The following FARS2 variants were observed in gnomAD, a reference collection of about 807,000 sequenced individuals.
FARS2 encodes phenylalanine--tRNA ligase, mitochondrial.
A neutral mutation model predicts 46.4 loss-of-function variants in FARS2; 40 were observed. That is an observed-to-expected ratio of 0.86 (90% CI 0.67 to 1.12). The LOEUF is 1.12. Among genes scored for constraint, FARS2 ranks in the 50% most tolerant of loss-of-function variants. The pLI, the probability that FARS2 is intolerant of heterozygous loss-of-function variation, is 0.00. For synonymous variants in FARS2, 234 were observed against 214.9 expected (o/e 1.09, Z -0.78); for missense variants, 513 against 567.9 (o/e 0.90, Z 0.98).
chr6:5,632,637 T>TCCCTCCTTCCTTC, intron 6 of FARS2, among the ~76,000 whole-genome samples: 1 of 141,178 alleles, frequency 7.1e-6, no homozygotes, highest in Non-Finnish European at 1.5e-5. Context: ...CTCCCTCCCT[T>TCCCTCCTTCCTTC]CTTCCTTCCT....
At chr6:5,673,154 A>G (rs891747371) in intron 6 of FARS2, among the ~76,000 whole-genome samples, 3 of 152,222 alleles carry the variant, frequency 2.0e-5, no homozygotes, top group Admixed American at 6.5e-5. Context: ...CCTACCCTGA[A>G]GGAATTTGGG....
At chr6:5,636,704 C>T (rs1443183423) in intron 6 of FARS2, among the ~76,000 whole-genome samples, 3 of 152,218 alleles carry the variant, frequency 2.0e-5, no homozygotes, top group Admixed American at 2.0e-4. Context: ...CTGCTGGCTT[C>T]TGAAACAAGT....
intron 2 of FARS2, among the ~76,000 whole-genome samples, chr6:5,382,023 G>A (rs958231845): frequency 8.5e-5 from 13 of 152,232 alleles, no homozygotes; most frequent in Middle Eastern, 3.2e-3. Context: ...ACAGTGGGCA[G>A]CATGGGTCCT....
intron 6 of FARS2, among the ~76,000 whole-genome samples, chr6:5,717,035 T>C (rs1228697657): frequency 6.6e-6 from 1 of 152,218 alleles, no homozygotes; most frequent in Non-Finnish European, 1.5e-5. Context: ...ACCCAGCAAG[T>C]CCTGTCTCTT....
intron 6 of FARS2, among the ~76,000 whole-genome samples, chr6:5,665,671 T>C (rs1381566029): frequency 6.6e-6 from 1 of 152,188 alleles, no homozygotes; most frequent in Non-Finnish European, 1.5e-5. Context: ...TTCTAAACAA[T>C]GTCTGGAAAC....
intron 4 of FARS2, among the ~76,000 whole-genome samples, chr6:5,491,384 G>A (rs1167241701): frequency 2.0e-5 from 3 of 152,160 alleles, no homozygotes. Context: ...TTGCTGTGCA[G>A]AATTAAGTAA....
chr6:5,689,857 G>T (rs1757557888), intron 6 of FARS2, among the ~76,000 whole-genome samples: 1 of 152,030 alleles, frequency 6.6e-6, no homozygotes, highest in South Asian at 2.1e-4. Context: ...GGTCTCTAAG[G>T]ACTTGCTTTA....
At chr6:5,457,183 G>A (rs1472035254) in intron 4 of FARS2, among the ~76,000 whole-genome samples, 1 of 152,168 alleles carries the variant, frequency 6.6e-6, no homozygotes, top group Non-Finnish European at 1.5e-5. Context: ...GCAGGCCATT[G>A]TGTGTGTGTT....
At chr6:5,662,500 A>G (rs907788159) in intron 6 of FARS2, among the ~76,000 whole-genome samples, 1 of 152,164 alleles carries the variant, frequency 6.6e-6, no homozygotes, top group Admixed American at 6.5e-5. Flanking sequence ...GCCTCCCCTG[A>G]TCCTTCTCTG....
intron 6 of FARS2, among the ~76,000 whole-genome samples, chr6:5,732,990 C>G (rs1455034060): frequency 6.6e-6 from 1 of 152,146 alleles, no homozygotes; most frequent in Non-Finnish European, 1.5e-5. Flanking sequence ...TGGTGCCCAA[C>G]CCAACCTCAC....
At chr6:5,712,446 G>A (rs1300565881) in intron 6 of FARS2, among the ~76,000 whole-genome samples, 4 of 152,166 alleles carry the variant, frequency 2.6e-5, no homozygotes, top group Admixed American at 1.3e-4. Context: ...GTAGGTCTGG[G>A]TACCTGGCAT....
intron 1 of FARS2, among the ~76,000 whole-genome samples, chr6:5,272,092 C>T (rs1765997437): frequency 6.6e-6 from 1 of 152,078 alleles, no homozygotes; most frequent in South Asian, 2.1e-4. Context: ...CTGCCCAGGG[C>T]ATGAATCCTC....
At chr6:5,372,268 G>A (rs1051343633) in intron 2 of FARS2, among the ~76,000 whole-genome samples, 1 of 152,122 alleles carries the variant, frequency 6.6e-6, no homozygotes, top group Non-Finnish European at 1.5e-5. Context: ...GATACAGACA[G>A]TCTGAAAAGG....
intron 1 of FARS2, among the ~76,000 whole-genome samples, chr6:5,262,111 A>G (rs890832689): frequency 3.9e-5 from 6 of 152,234 alleles, no homozygotes; most frequent in African/African-American, 1.4e-4. Flanking sequence ...ACTCAAGCAC[A>G]GCGAGAAGTA....
chr6:5,627,355 A>T (rs572508269), intron 6 of FARS2, among the ~76,000 whole-genome samples: 3 of 152,376 alleles, frequency 2.0e-5, no homozygotes, highest in South Asian at 4.1e-4. Context: ...TAACAGTAGT[A>T]AGATGAAGAA....
chr6:5,516,603 A>G (rs1165290632), intron 4 of FARS2, among the ~76,000 whole-genome samples: 1 of 152,072 alleles, frequency 6.6e-6, no homozygotes, highest in African/African-American at 2.4e-5. Context: ...TCTTCCACCT[A>G]TTTTGTACTC....
At chr6:5,560,107 C>T (rs1433411722) in intron 5 of FARS2, among the ~76,000 whole-genome samples, 3 of 152,014 alleles carry the variant, frequency 2.0e-5, no homozygotes, top group Admixed American at 2.0e-4. Context: ...TTGAGGAGAT[C>T]GAACTAAATG....
chr6:5,701,485 A>T (rs1480293784), intron 6 of FARS2, among the ~76,000 whole-genome samples: 1 of 152,220 alleles, frequency 6.6e-6, no homozygotes, highest in Non-Finnish European at 1.5e-5. Context: ...CTGGGCTATT[A>T]TTGGGACCAA....
At position 5,279,326 on chromosome 6, in the gene FARS2, G is replaced by A. The variant is rs1400048702; in HGVS notation, c.-22+17666G>A. On this transcript the variant is annotated intron_variant, in intron 1 of 6. Coordinates refer to ENST00000274680, the MANE Select transcript of FARS2 (RefSeq NM_006567.5). Reference sequence around the variant, plus strand: ...CGGGAGGCGGAGGTTGCAGTGAGCCGATTGCACCACTGCACTCCAGCCTAG... The same window carrying A: ...CGGGAGGCGGAGGTTGCAGTGAGCCAATTGCACCACTGCACTCCAGCCTAG... Among the ~76,000 whole-genome samples, 6 of 142,428 alleles carry A rather than the reference G, an allele frequency of 4.2e-5. No homozygotes were observed. In the Admixed American group the frequency reaches 4.4e-4, roughly 11 times the overall value. 93.4% of individuals were successfully genotyped at this position (142,428 alleles called of 152,430 possible). A position where few individuals can be genotyped will look rare whatever the true frequency, so the allele number is the denominator to read the frequency against.
Sources: allele counts gnomAD v4.1 joint callset (sites outside exome capture counted in the v4.1 genomes callset), GRCh38; gene constraint gnomAD v4.1.1; transcripts MANE v1.5; gene names NCBI Gene and HGNC (gene_info 2026-07-23, HGNC 2026-07-21).